Variants in GPBP1 observed in about 807,000 individuals in gnomAD.
GPBP1 encodes GC-rich promoter binding protein 1.
In GPBP1, 13 loss-of-function variants were observed where a neutral mutation model predicts 56.5. The ratio of observed to expected loss-of-function variants is 0.23; its 90% CI spans 0.15 to 0.37. The LOEUF (loss-of-function observed/expected upper bound fraction) is 0.37, where lower values mean the gene tolerates loss of function less well. Among genes scored for constraint, GPBP1 ranks in the 10% least tolerant of loss-of-function variants. The probability of loss-of-function intolerance (pLI) is 1.00; values close to 1 mark genes in which losing one functional copy is unlikely to be tolerated. For missense variants in GPBP1, 477 were observed against 572.3 expected (o/e 0.83, Z 1.70); for synonymous variants, 204 against 188.9 (o/e 1.08, Z -0.66).
intron 2 of GPBP1, among the ~76,000 whole-genome samples, chr5:57,213,646 A>G (rs1755585587): frequency 6.6e-6 from 1 of 152,146 alleles, no homozygotes. Context: ...TAGTTAAATC[A>G]GATTTCAAAT....
At chr5:57,259,457 C>T (rs558617263) in intron 10 of GPBP1, among the ~76,000 whole-genome samples, 2 of 152,280 alleles carry the variant, frequency 1.3e-5, no homozygotes, top group Non-Finnish European at 2.9e-5. Context: ...ATGATAAAAA[C>T]TATTAACTCT....
intron 2 of GPBP1, among the ~76,000 whole-genome samples, chr5:57,209,620 G>GT (rs145185917): frequency 0.18 from 28,057 of 151,952 alleles, 3,404 homozygotes; most frequent in Non-Finnish European, 0.27. Context: ...ATGTGCTGTG[G>GT]TTTTTTTTAA....
intron 2 of GPBP1, among the ~76,000 whole-genome samples, chr5:57,208,661 T>C (rs890005478): frequency 1.1e-4 from 16 of 148,656 alleles, no homozygotes; most frequent in African/African-American, 2.2e-4. Context: ...TTTTCTTTTT[T>C]TTTTTTTTTT....
rs1050280371 is a variant in GPBP1, at chr5:57,207,620, G to A, written c.-57-6454G>A. ...CCCTGCCTTATCGCAAGGACAGAGG[G>A]CTTTTTTGCCTTGGTGTATGGGAAG... On this transcript the variant is annotated intron_variant, in intron 2 of 11. Transcript: ENST00000506184. Among the ~76,000 whole-genome samples the A allele has an allele frequency of 4.6e-5, 7 of 152,218 alleles. 1 individual carries two copies. The highest frequency in any genetic ancestry group is 2.0e-4 in the Admixed American group (3 of 15,280).
At chr5:57,221,275 A>G in intron 3 of GPBP1, 3 of 714,856 alleles carry the variant, frequency 4.2e-6, no homozygotes, top group South Asian at 4.2e-5. Context: ...AACAAATTTT[A>G]TATACCTGTG....
rs565437499 is a variant in GPBP1 at position 57,224,951 on chromosome 5, A to G, written c.64-5895A>G. On this transcript the variant is annotated intron_variant, in intron 3 of 11. Transcript: ENST00000506184. ...CCCCTACAGTATCCATTGAGAACGA[A>G]GGTAGGGGACACAGTGGATCACTGC... 9.2e-5 allele frequency among the ~76,000 whole-genome samples: 14 copies of G among 151,900 alleles called. No homozygotes were observed. The Admixed American group carries it at 9.2e-4, about 10-fold the overall frequency.
In GPBP1 at chr5:57,251,070, C is replaced by T. The variant is rs939666075; in HGVS notation, c.1089C>T (p.Ser363=). The T allele has an allele frequency of 1.2e-6, 2 of 1,613,250 alleles. No homozygotes were observed. The highest frequency in any genetic ancestry group is 1.7e-6 in the Non-Finnish European group (2 of 1,179,732). The change falls in exon 10 of 12, where the codon TCC becomes TCT. Residue 363 remains serine, a synonymous_variant. Coordinates refer to ENST00000506184, the MANE Select transcript of GPBP1 (RefSeq NM_022913.4). ...AGAATGGCAATGCCTCAGTGATTTC[C>T]CAGCAGATCATTCGGTCTTCAACCT... ...PQENGNASVI[S]QQIIRSSTFP...
intron 6 of GPBP1, among the ~76,000 whole-genome samples, chr5:57,238,872 T>C (rs201593888): frequency 1.3e-5 from 2 of 152,218 alleles, no homozygotes; most frequent in East Asian, 3.8e-4. Flanking sequence ...TTTGGTTTGT[T>C]GAGCATTCTG....
At chr5:57,202,709 AT>A (rs1755073264) in intron 2 of GPBP1, among the ~76,000 whole-genome samples, 1 of 152,228 alleles carries the variant, frequency 6.6e-6, no homozygotes, top group East Asian at 1.9e-4. Context: ...AGGCAGCAAC[AT>A]TGCATTACAG....
intron 9 of GPBP1, among the ~76,000 whole-genome samples, 184 bp from the exon 10 acceptor site, chr5:57,250,770 C>T (rs1741346550): frequency 6.6e-6 from 1 of 152,064 alleles, no homozygotes; most frequent in South Asian, 2.1e-4. Context: ...GTCGCAAACT[C>T]CTGACCTCAG....
chr5:57,189,487 G>A (rs1033294407), intron 2 of GPBP1, among the ~76,000 whole-genome samples: 4 of 151,954 alleles, frequency 2.6e-5, no homozygotes, highest in Non-Finnish European at 5.9e-5. Flanking sequence ...CGAACTCCTG[G>A]CCTGTGGTGA....
intron 2 of GPBP1, among the ~76,000 whole-genome samples, chr5:57,182,536 C>G (rs552166838): frequency 6.6e-6 from 1 of 151,620 alleles, no homozygotes; most frequent in Admixed American, 6.6e-5. Flanking sequence ...CCATACTTAG[C>G]TAATTTTTGT....
chr5:57,255,786 T>G (rs550562051), intron 10 of GPBP1, among the ~76,000 whole-genome samples: 3 of 152,338 alleles, frequency 2.0e-5, no homozygotes, highest in East Asian at 1.9e-4. Context: ...TTAATTATAT[T>G]TTTTTAATCT....
chr5:57,249,720 C>T, intron 9 of GPBP1, 144 bp downstream of exon 9: 1 of 550,748 alleles, frequency 1.8e-6, no homozygotes, highest in South Asian at 2.9e-5. Context: ...GACTTGGCTT[C>T]TCCCCTCCTC....
At chr5:57,181,662 T>C (rs1464386341) in intron 2 of GPBP1, among the ~76,000 whole-genome samples, 1 of 152,032 alleles carries the variant, frequency 6.6e-6, no homozygotes, top group Non-Finnish European at 1.5e-5. Context: ...ACCTCAGGTG[T>C]TCTACCCACC....
At chr5:57,193,505 T>C (rs1488534874) in intron 2 of GPBP1, among the ~76,000 whole-genome samples, 2 of 150,632 alleles carry the variant, frequency 1.3e-5, no homozygotes, top group African/African-American at 2.5e-5. Context: ...TCCCACCTGC[T>C]TGCGGGGCTG....
chr5:57,178,665 C>G (rs1165971212), intron 2 of GPBP1, among the ~76,000 whole-genome samples: 2 of 152,226 alleles, frequency 1.3e-5, no homozygotes, highest in Non-Finnish European at 2.9e-5. Context: ...TAGTCTATAA[C>G]ATTTGTCAAC....
At chr5:57,212,030 A>G (rs1166995748) in intron 2 of GPBP1, among the ~76,000 whole-genome samples, 1 of 151,506 alleles carries the variant, frequency 6.6e-6, no homozygotes, top group Non-Finnish European at 1.5e-5. Context: ...TCCACTTCCC[A>G]GGTTCAAGCG....
intron 6 of GPBP1, chr5:57,245,759 T>C (rs530140014): frequency 6.6e-6 from 1 of 152,232 alleles, no homozygotes; most frequent in South Asian, 2.1e-4. Flanking sequence ...TGTAGATAAA[T>C]GGTCAATAAA....
Sources: gnomAD v4.1 joint callset for allele counts (sites outside exome capture counted in the v4.1 genomes callset) on GRCh38, gnomAD v4.1.1 for gene constraint, MANE v1.5 for transcripts, NCBI Gene and HGNC (gene_info 2026-07-23, HGNC 2026-07-21) for gene names.